LRWD1: variants seen among roughly 807,000 people sequenced by gnomAD.
LRWD1 encodes the protein leucine rich repeats and WD repeat domain containing 1, also known as leucine-rich repeat and WD repeat-containing protein 1.
LRWD1 carries 76 observed loss-of-function variants against 75.6 expected under a neutral mutation model. The ratio of observed to expected loss-of-function variants is 1.01; its 90% CI spans 0.84 to 1.22. LRWD1 has a LOEUF of 1.22. Ranked by LOEUF, LRWD1 falls within the 50% of genes most tolerant of loss-of-function variation. The pLI is 0.00. For missense variants in LRWD1, 917 were observed against 862.0 expected, an observed-to-expected ratio of 1.06 and a Z score of -0.80; for synonymous variants, 487 against 377.0, an observed-to-expected ratio of 1.29 and a Z score of -3.38.
intron 3 of LRWD1, among the ~76,000 whole-genome samples, chr7:102,466,968 A>G (rs1798003717): frequency 6.7e-6 from 1 of 149,788 alleles, no homozygotes; most frequent in South Asian, 2.1e-4. Flanking sequence ...TTTTGTAGAG[A>G]TGGGATCTTG....
intron 1 of LRWD1, 103 bp from the exon 2 acceptor site, chr7:102,465,714 G>GT (rs757832532): frequency 2.5e-6 from 2 of 814,974 alleles, no homozygotes; most frequent in Non-Finnish European, 4.0e-6. Context: ...GGCTACACTT[G>GT]TACGAGAAAT....
chr7:102,472,077 G>GAA, intron 11 of LRWD1, 141 bp from the exon 12 acceptor site: 1 of 770,948 alleles, frequency 1.3e-6, no homozygotes, highest in South Asian at 1.7e-5. Context: ...CTGGGGCCAA[G>GAA]AATGTATCTC....
At chr7:102,470,479 C>G (rs972150798) in intron 11 of LRWD1, 1 of 152,470 alleles carries the variant, frequency 6.6e-6, no homozygotes, top group Non-Finnish European at 1.5e-5. Context: ...CAGAGGGACA[C>G]TAGCGTGGGG....
chr7:102,466,800 A>T (rs1797996608), intron 3 of LRWD1, among the ~76,000 whole-genome samples: 2 of 99,128 alleles, frequency 2.0e-5, no homozygotes, highest in South Asian at 3.6e-4. Flanking sequence ...TTTTTTTTAG[A>T]GACAGGGTCT....
At chr7:102,472,077 G>C (rs931461986) in intron 11 of LRWD1, 141 bp from the exon 12 acceptor site, 4 of 770,948 alleles carry the variant, frequency 5.2e-6, no homozygotes, top group African/African-American at 3.4e-5. Flanking sequence ...CTGGGGCCAA[G>C]AATGTATCTC....
At chr7:102,469,370 G>A (rs1457701848) in intron 9 of LRWD1, among the ~76,000 whole-genome samples, 1 of 152,214 alleles carries the variant, frequency 6.6e-6, no homozygotes, top group Non-Finnish European at 1.5e-5. Flanking sequence ...GCCACAGGAA[G>A]TGGCCGCTGG....
rs759222684 is a variant in LRWD1 at position 102,468,362 on chromosome 7, C to T, written c.904C>T (p.Pro302Ser). Residue 302 changes from proline to serine, a missense_variant, in exon 7 of 15, where the codon CCG becomes TCG. Physicochemically the swap from Pro to Ser is moderately conservative, Grantham distance 74. Coordinates refer to ENST00000292616, the MANE Select transcript of LRWD1 (RefSeq NM_152892.3). ...CCAGCTGTGGGCCTGTGCCTTCGAG[C>T]CGGCCTGGGAGGAGGGTACATGGTG... Reference protein sequence around the residue: ...ETQLWACAFEPAWEEGATSQT... With the variant: ...ETQLWACAFESAWEEGATSQT... 20 of 1,608,274 alleles carry T rather than the reference C, an allele frequency of 1.2e-5. No homozygotes were observed. In the Admixed American group the frequency reaches 1.9e-4, roughly 15 times the overall value.
Position 102,468,073 on chromosome 7 carries a change from G to A in LRWD1, c.690G>A (p.Ala230=), listed in dbSNP as rs766829261. The A allele has an allele frequency of 9.4e-5, 151 of 1,608,496 alleles. No individual in the cohort carries two copies. The highest frequency in any genetic ancestry group is 1.6e-4 in the Middle Eastern group (1 of 6,070). The change falls in exon 6 of 15, where the codon GCG becomes GCA. Residue 230 remains alanine (A), a synonymous_variant. Transcript: ENST00000292616. Reference sequence around the variant, plus strand: ...GGCCCCCTCCACAGGCCAGACTGGCGGCCTTGAAACGGCCAGACGACGTCC... The same window carrying A: ...GGCCCCCTCCACAGGCCAGACTGGCAGCCTTGAAACGGCCAGACGACGTCC... The part of the protein sequence containing the change: ...GAAHKPRARL[A]ALKRPDDVPL...
At position 102,469,077 on chromosome 7, in the gene LRWD1, T is replaced by C. The variant is rs1019240536; in HGVS notation, c.1228+15T>C. 8 of 1,577,672 alleles carry C rather than the reference T, an allele frequency of 5.1e-6. No individual in the cohort carries two copies. The highest frequency in any genetic ancestry group is 6.9e-6 in the Non-Finnish European group (8 of 1,160,268). On this transcript the variant is annotated intron_variant, in intron 9 of 14. Transcript: ENST00000292616. ...CCATCTCTTCAGTAAGCCCCTCCCC[T>C]TCACCCCTGGGACCCCCAAGCACCC...
chr7:102,465,888 A>T lies in LRWD1; in HGVS notation c.152A>T (p.Glu51Val). 1 of 1,613,458 alleles carries T rather than the reference A, an allele frequency of 6.2e-7. No homozygotes were observed. Among genetic ancestry groups the T allele is most frequent in the East Asian group, 2.2e-5 (1 of 44,870 alleles). The change falls in exon 2 of 15, where the codon GAG becomes GTG. Residue 51 changes from glutamate to valine, a missense_variant. Glu to Val is a moderately radical substitution (Grantham distance 121, BLOSUM62 -2). Transcript: ENST00000292616. Reference protein sequence around the residue: ...KLLCRLTQLQELDLSNNHLET... With the variant: ...KLLCRLTQLQVLDLSNNHLET... Reference sequence around the variant, plus strand: ...CTGTGCCGCCTGACGCAGCTGCAGGAGCTTGACCTGTCTAACAACCACCTG... The same window carrying T: ...CTGTGCCGCCTGACGCAGCTGCAGGTGCTTGACCTGTCTAACAACCACCTG...
intron 1 of LRWD1, chr7:102,465,488 GCTTTTTTTTTTTT>G (rs576550297): frequency 0.44 from 47,149 of 107,170 alleles, 14,176 homozygotes; most frequent in Admixed American, 0.5. Context: ...AGTAGTTGCA[GCTTTTTTTTTTTT>G]TTTTTTTTTT....
rs755933895 is a variant in LRWD1 at position 102,467,773 on chromosome 7, G to T, written c.628G>T (p.Ala210Ser). 6 of 1,552,020 alleles carry T rather than the reference G, an allele frequency of 3.9e-6. No individual in the cohort carries two copies. Among genetic ancestry groups the T allele is most frequent in the Non-Finnish European group, 3.5e-6 (4 of 1,147,404 alleles). ...VAASRTQVQK[A>S]NSPEKPPEAG... The stretch of plus-strand genomic sequence containing the variant: ...CGCCAGTAGGACCCAGGTGCAAAAG[G>T]CTAACAGCCCAGAGAAGCCCCCAGA... The change falls in exon 5 of 15, where the codon GCT (alanine) becomes TCT (serine). Residue 210 changes from alanine to serine, a missense_variant. Transcript: ENST00000292616.
intron 3 of LRWD1, among the ~76,000 whole-genome samples, chr7:102,466,574 C>T (rs1468493288): frequency 6.6e-6 from 1 of 151,988 alleles, no homozygotes; most frequent in Admixed American, 6.6e-5. Context: ...GCCACCATGC[C>T]CAGCTAATTT....
In LRWD1 at chr7:102,473,155, A is replaced by T; in HGVS notation, c.*106A>T. ...TCAGTGAATATTTTTATTAAACTCT[A>T]CTGTGGACAAGAAGCCTGTGGAAAG... is the stretch of plus-strand genomic sequence containing the variant. On this transcript the variant is annotated 3_prime_UTR_variant, in exon 15 of 15. Coordinates refer to ENST00000292616, the MANE Select transcript of LRWD1 (RefSeq NM_152892.3). 3 of 1,285,044 alleles carry T rather than the reference A, an allele frequency of 2.3e-6. No individual in the cohort carries two copies. Among genetic ancestry groups the T allele is most frequent in the Non-Finnish European group, 3.2e-6 (3 of 935,884 alleles). The allele number at this position is 1,285,044 out of a possible 1,614,324, so 79.6% of individuals were successfully genotyped here.
At position 102,467,462 on chromosome 7, in the gene LRWD1, G is replaced by A. The variant is rs772802522; in HGVS notation, c.556G>A (p.Glu186Lys). The part of the protein sequence containing the change: ...DVRYGPESLS[E>K]FTQWRVRMIS... Reference sequence around the variant, plus strand: ...CCGCTACGGGCCCGAGTCCCTCAGCGAGTTCACCCAGTGGCGGGTATGTCC... The same window carrying A: ...CCGCTACGGGCCCGAGTCCCTCAGCAAGTTCACCCAGTGGCGGGTATGTCC... The change falls in exon 4 of 15, where the codon GAG becomes AAG. Residue 186 changes from glutamate (E) to lysine (K), a missense_variant. Physicochemically the swap from Glu to Lys is moderately conservative, Grantham distance 56 (BLOSUM62 1). Coordinates refer to ENST00000292616, the MANE Select transcript of LRWD1 (RefSeq NM_152892.3). 3.1e-6 allele frequency: 5 copies of A among 1,613,540 alleles called. No individual in the cohort carries two copies. The highest frequency in any genetic ancestry group is 2.2e-5 in the East Asian group (1 of 44,860).
intron 4 of LRWD1, 59 bp from the exon 5 acceptor site, chr7:102,467,660 G>A (rs748807010): frequency 5.2e-5 from 80 of 1,527,686 alleles, no homozygotes; most frequent in Admixed American, 7.9e-5. Flanking sequence ...ACTATGCATC[G>A]GCAGGGCTGG....
chr7:102,465,823 A>G lies in LRWD1; in HGVS notation c.87A>G (p.Ser29=), dbSNP rs1297714399. The G allele has an allele frequency of 4.3e-6, 7 of 1,612,246 alleles. No individual in the cohort carries two copies. Among genetic ancestry groups the G allele is most frequent in the Non-Finnish European group, 5.1e-6 (6 of 1,179,386 alleles). Residue 29 remains serine, a synonymous_variant, in exon 2 of 15, where the codon TCA becomes TCG. Coordinates refer to ENST00000292616, the MANE Select transcript of LRWD1 (RefSeq NM_152892.3). ...RLGKIRSLDL[S]GLELLSEHLD... is the part of the protein sequence containing the mutation. ...CTTCTGCCCCCAACTCCAGCCTGTCAGGATTGGAGCTGCTTTCCGAGCACC... is the reference window on the plus strand; with the variant it reads ...CTTCTGCCCCCAACTCCAGCCTGTCGGGATTGGAGCTGCTTTCCGAGCACC...
rs143700563 is a variant in LRWD1, at chr7:102,467,760, C to T, written c.615C>T (p.Thr205=). The change falls in exon 5 of 15, where the codon ACC becomes ACT. Residue 205 remains threonine (T), a synonymous_variant. Coordinates refer to ENST00000292616, the MANE Select transcript of LRWD1 (RefSeq NM_152892.3). The stretch of plus-strand genomic sequence containing the variant: ...AGGAGCTGGTGGCCGCCAGTAGGAC[C>T]CAGGTGCAAAAGGCTAACAGCCCAG... ...ISEELVAASR[T]QVQKANSPEK... 7 of 1,552,054 alleles carry T rather than the reference C, an allele frequency of 4.5e-6. No individual in the cohort carries two copies. The highest frequency in any genetic ancestry group is 1.2e-5 in the South Asian group (1 of 84,048).
rs199657815 is a variant in LRWD1, at chr7:102,473,117, G to C, written c.*68G>C. ...TATTCAGCTTTGGGCCGATGGGGGT[G>C]GGGGGGGGTCTTTCAGTGAATATTT... On this transcript the variant is annotated 3_prime_UTR_variant, in exon 15 of 15. Transcript: ENST00000292616. The C allele has an allele frequency of 5.3e-3, 791 of 150,618 alleles. 9 individuals carry two copies. Among genetic ancestry groups the C allele is most frequent in the African/African-American group, 0.029 (655 of 22,282 alleles). The allele number at this position is 150,618 out of a possible 1,614,324, so 9.3% of individuals were successfully genotyped here.
Sources: gnomAD v4.1 joint callset for allele counts (sites outside exome capture counted in the v4.1 genomes callset) on GRCh38, gnomAD v4.1.1 for gene constraint, MANE v1.5 for transcripts, NCBI Gene and HGNC (gene_info 2026-07-23, HGNC 2026-07-21) for gene names.